The following ARV1 variants were observed in gnomAD, a reference collection of about 807,000 sequenced individuals.
ARV1 encodes the protein ARV1 fatty acid homeostasis modulator, also known as protein ARV1.
ARV1 carries 26 observed loss-of-function variants against 31.1 expected under a neutral mutation model. The observed-to-expected ratio is 0.84, with a 90% CI of 0.61 to 1.16. The LOEUF (loss-of-function observed/expected upper bound fraction) is 1.16. Ranked by LOEUF, ARV1 falls within the 50% of genes most tolerant of loss-of-function variation. The probability of loss-of-function intolerance (pLI) is 0.00; values close to 1 mark genes in which losing one functional copy is unlikely to be tolerated. For synonymous variants in ARV1, 117 were observed against 123.2 expected, an observed-to-expected ratio of 0.95 and a Z score of 0.34; for missense variants, 281 against 324.9, an observed-to-expected ratio of 0.86 and a Z score of 1.04.
chr1:230,994,090 AG>A (rs140326343), intron 3 of ARV1, among the ~76,000 whole-genome samples: 14,203 of 152,272 alleles, frequency 0.093, 673 homozygotes, highest in South Asian at 0.17. Flanking sequence ...AACTGAGGAA[AG>A]TCTCCCGACC....
At chr1:230,994,949 A>G (rs1414561150) in intron 3 of ARV1, among the ~76,000 whole-genome samples, 1 of 152,234 alleles carries the variant, frequency 6.6e-6, no homozygotes, top group Admixed American at 6.5e-5. Flanking sequence ...AATATAATAC[A>G]TGTGTCCAGA....
intron 1 of ARV1, among the ~76,000 whole-genome samples, chr1:230,987,263 A>C (rs1162322743): frequency 6.6e-6 from 1 of 152,334 alleles, no homozygotes; most frequent in South Asian, 2.1e-4. Flanking sequence ...GCAGGACAGC[A>C]TGCAATTTAA....
rs758816246 is a variant in ARV1 at position 230,990,216 on chromosome 1, A to G, written c.401A>G (p.Tyr134Cys). ...QNTAPDDLIR[Y>C]AKEWDFYRMF... Reference sequence around the variant, plus strand: ...ACTGCCCCTGATGACTTGATCAGATATGCTAAGGAATGGGATTTCTATAGA... The same window carrying G: ...ACTGCCCCTGATGACTTGATCAGATGTGCTAAGGAATGGGATTTCTATAGA... The change falls in exon 3 of 6, where the codon TAT becomes TGT. Residue 134 changes from tyrosine to cysteine, a missense_variant. By Grantham distance (194) the Tyr-to-Cys change is radical. Coordinates refer to ENST00000310256, the MANE Select transcript of ARV1 (RefSeq NM_022786.3). 1.9e-6 allele frequency: 3 copies of G among 1,612,966 alleles called. No individual in the cohort carries two copies. The highest frequency in any genetic ancestry group is 2.7e-5 in the African/African-American group (2 of 74,894).
chr1:230,983,360 C>T (rs1678965400), intron 1 of ARV1, among the ~76,000 whole-genome samples: 1 of 146,954 alleles, frequency 6.8e-6, no homozygotes, highest in Non-Finnish European at 1.5e-5. Context: ...TGCAGTGAAG[C>T]TGAGATTGCG....
intron 5 of ARV1, among the ~76,000 whole-genome samples, chr1:230,998,753 A>G (rs1419964368): frequency 7.9e-5 from 12 of 151,916 alleles, no homozygotes; most frequent in Admixed American, 7.9e-4. Flanking sequence ...AGGAAAAAAA[A>G]AAAAAACAAT....
Position 230,990,184 on chromosome 1 carries a change from C to G in ARV1, c.369C>G (p.Asn123Lys), listed in dbSNP as rs1350919100. The G allele has an allele frequency of 1.2e-6, 2 of 1,613,096 alleles. No homozygotes were observed. Among genetic ancestry groups the G allele is most frequent in the South Asian group, 1.1e-5 (1 of 90,858 alleles). The change falls in exon 3 of 6, where the codon AAC becomes AAG. Residue 123 changes from asparagine to lysine, a missense_variant. Coordinates refer to ENST00000310256, the MANE Select transcript of ARV1 (RefSeq NM_022786.3). ...YLRWWQLQDS[N>K]QNTAPDDLIR... Reference sequence around the variant, plus strand: ...GGTGGTGGCAGCTTCAAGATTCCAACCAGAATACTGCCCCTGATGACTTGA... The same window carrying G: ...GGTGGTGGCAGCTTCAAGATTCCAAGCAGAATACTGCCCCTGATGACTTGA...
At chr1:230,998,634 A>G (rs1316562532) in intron 5 of ARV1, among the ~76,000 whole-genome samples, 1 of 152,038 alleles carries the variant, frequency 6.6e-6, no homozygotes, top group Non-Finnish European at 1.5e-5. Context: ...AGCAGGGCAC[A>G]GTGGCTCATT....
chr1:230,985,281 T>C (rs745552558), intron 1 of ARV1, among the ~76,000 whole-genome samples: 1 of 152,204 alleles, frequency 6.6e-6, no homozygotes. Flanking sequence ...CTCCTCTGTT[T>C]GATTTCATAT....
At chr1:230,987,680 C>T (rs1679120884) in intron 1 of ARV1, among the ~76,000 whole-genome samples, 2 of 152,224 alleles carry the variant, frequency 1.3e-5, no homozygotes, top group South Asian at 2.1e-4. Context: ...CCAGACTGTA[C>T]AGACAGTAGA....
At chr1:230,994,309 G>A (rs1432378981) in intron 3 of ARV1, among the ~76,000 whole-genome samples, 1 of 152,184 alleles carries the variant, frequency 6.6e-6, no homozygotes, top group Non-Finnish European at 1.5e-5. Flanking sequence ...AGCTTTGAGT[G>A]TCTCCAGTGA....
chr1:230,984,543 C>T (rs1302311373), intron 1 of ARV1, among the ~76,000 whole-genome samples: 1 of 152,024 alleles, frequency 6.6e-6, no homozygotes, highest in African/African-American at 2.4e-5. Context: ...GAGAACGCCA[C>T]ACTTTGAGAC....
intron 2 of ARV1, among the ~76,000 whole-genome samples, chr1:230,989,476 G>A (rs1007228870): frequency 6.6e-6 from 1 of 152,110 alleles, no homozygotes; most frequent in African/African-American, 2.4e-5. Context: ...TCAACCTGAA[G>A]GAGGAATACA....
At chr1:230,996,114 A>C in intron 4 of ARV1, 130 bp downstream of exon 4, 2 of 683,264 alleles carry the variant, frequency 2.9e-6, no homozygotes. Flanking sequence ...AATAATACCT[A>C]ACACTTCTAT....
chr1:230,979,312 G>A (rs1252630182), intron 1 of ARV1, 33 bp downstream of exon 1: 1 of 1,610,106 alleles, frequency 6.2e-7, no homozygotes, highest in Non-Finnish European at 8.5e-7. Context: ...CCCTTGAGAA[G>A]AAAATGGCGC....
At chr1:230,980,127 T>G (rs1678819841) in intron 1 of ARV1, among the ~76,000 whole-genome samples, 1 of 152,172 alleles carries the variant, frequency 6.6e-6, no homozygotes, top group South Asian at 2.1e-4. Flanking sequence ...CCACATAACG[T>G]TCTGATGCAT....
At chr1:230,993,269 A>T (rs1453907311) in intron 3 of ARV1, among the ~76,000 whole-genome samples, 2 of 151,926 alleles carry the variant, frequency 1.3e-5, no homozygotes, top group Non-Finnish European at 2.9e-5. Context: ...TTAAAAAAAA[A>T]AATTTATGTA....
chr1:230,984,357 TGTGTGC>T (rs1277235944), intron 1 of ARV1, among the ~76,000 whole-genome samples: 16 of 62,144 alleles, frequency 2.6e-4, no homozygotes, highest in South Asian at 1.4e-3. Context: ...TGTGTGTGTG[TGTGTGC>T]GTGTGTGTGT....
chr1:230,982,086 A>G lies in ARV1; in HGVS notation c.174+2807A>G, dbSNP rs117801029. On this transcript the variant is annotated intron_variant, in intron 1 of 5. Coordinates refer to ENST00000310256, the MANE Select transcript of ARV1 (RefSeq NM_022786.3). ...CTTCTCCTACTGGAAAGTAAGCTAC[A>G]CAAGGACAGACATTCTCTCTGTTTT... 2.4e-3 allele frequency among the ~76,000 whole-genome samples: 364 copies of G among 152,386 alleles called. 8 individuals are homozygous for G. The East Asian group carries it at 0.054, about 22-fold the overall frequency.
intron 1 of ARV1, among the ~76,000 whole-genome samples, chr1:230,986,305 T>C (rs73110118): frequency 0.036 from 5,440 of 152,240 alleles, 253 homozygotes; most frequent in African/African-American, 0.11. Context: ...TACCTATTCT[T>C]GTAATGACAC....
Sources: allele counts gnomAD v4.1 joint callset (sites outside exome capture counted in the v4.1 genomes callset), GRCh38; gene constraint gnomAD v4.1.1; transcripts MANE v1.5; gene names NCBI Gene and HGNC (gene_info 2026-07-23, HGNC 2026-07-21).